Variants in TSPAN9 observed in about 807,000 individuals in gnomAD.
The protein encoded by TSPAN9 is tetraspanin 9, also known as tetraspanin-9.
In TSPAN9, 16 loss-of-function variants were observed where a neutral mutation model predicts 31.0. That is an observed-to-expected ratio of 0.52 (90% CI 0.35 to 0.78). The LOEUF is 0.78. TSPAN9 is among the 30% of genes least tolerant of loss of function. The pLI is 0.01. For missense variants in TSPAN9, 272 were observed against 312.5 expected (o/e 0.87, Z 0.98); for synonymous variants, 145 against 121.6 (o/e 1.19, Z -1.27).
chr12:3,271,705 C>T (rs879861979), intron 3 of TSPAN9, among the ~76,000 whole-genome samples: 3 of 152,182 alleles, frequency 2.0e-5, no homozygotes, highest in Non-Finnish European at 4.4e-5. Flanking sequence ...TTTGTCCCTT[C>T]ATTTCTCTCC....
At chr12:3,226,660 G>A (rs200608638) in intron 3 of TSPAN9, among the ~76,000 whole-genome samples, 47 of 148 alleles carry the variant, frequency 0.32, no homozygotes, top group East Asian at 0.5. Flanking sequence ...ATATGTGTGT[G>A]TGTGTGTGTG....
At chr12:3,116,183 C>T (rs949019439) in intron 2 of TSPAN9, among the ~76,000 whole-genome samples, 1 of 152,242 alleles carries the variant, frequency 6.6e-6, no homozygotes, top group Non-Finnish European at 1.5e-5. Flanking sequence ...CCTGCCAACT[C>T]TTTAACAGGT....
chr12:3,160,441 T>A (rs979000718), intron 2 of TSPAN9, among the ~76,000 whole-genome samples: 12 of 152,274 alleles, frequency 7.9e-5, no homozygotes, highest in Non-Finnish European at 1.5e-4. Flanking sequence ...ACATGTTATT[T>A]ATTTCAGGTA....
intron 2 of TSPAN9, among the ~76,000 whole-genome samples, chr12:3,143,000 C>T (rs1404105181): frequency 4.6e-5 from 7 of 152,062 alleles, no homozygotes; most frequent in Admixed American, 2.0e-4. Context: ...GAGTGCTGCT[C>T]GGTCACTCTG....
chr12:3,197,196 A>C (rs1053142078), intron 2 of TSPAN9, among the ~76,000 whole-genome samples: 6 of 152,252 alleles, frequency 3.9e-5, no homozygotes, highest in African/African-American at 1.4e-4. Context: ...AAAAGAGCTC[A>C]AAGTGAAAAA....
intron 2 of TSPAN9, among the ~76,000 whole-genome samples, chr12:3,084,933 C>A (rs1303252828): frequency 6.6e-6 from 1 of 152,238 alleles, no homozygotes; most frequent in Non-Finnish European, 1.5e-5. Flanking sequence ...AATGCCTGAG[C>A]TCCCATTTTA....
chr12:3,281,392 G>C (rs937071386), intron 7 of TSPAN9, 63 bp downstream of exon 7: 2 of 1,503,168 alleles, frequency 1.3e-6, no homozygotes, highest in Non-Finnish European at 1.8e-6. Flanking sequence ...GGCACGGGGA[G>C]CCCTATAGGG....
chr12:3,256,687 T>C (rs957130434), intron 3 of TSPAN9, among the ~76,000 whole-genome samples: 1 of 152,144 alleles, frequency 6.6e-6, no homozygotes, highest in African/African-American at 2.4e-5. Flanking sequence ...ATCTTGACTT[T>C]GGTAGCTGGG....
At chr12:3,161,800 T>A (rs898723183) in intron 2 of TSPAN9, among the ~76,000 whole-genome samples, 1 of 151,610 alleles carries the variant, frequency 6.6e-6, no homozygotes, top group South Asian at 2.1e-4. Flanking sequence ...TCTATCTATC[T>A]ATCTATCTAT....
At chr12:3,189,884 A>C (rs941664122) in intron 2 of TSPAN9, among the ~76,000 whole-genome samples, 49 of 152,202 alleles carry the variant, frequency 3.2e-4, no homozygotes, top group Middle Eastern at 3.4e-3. Flanking sequence ...CAAGTGACTT[A>C]ATGCACTGCG....
rs1565601335 is a variant in TSPAN9 at position 3,172,118 on chromosome 12, C to CA, written c.-17-29056dup. The CA allele has an allele frequency of 2.0e-5, 3 of 152,282 alleles. No homozygotes were observed. Among genetic ancestry groups the CA allele is most frequent in the African/African-American group, 7.2e-5 (3 of 41,446 alleles). 9.4% of individuals were successfully genotyped at this position (152,282 alleles called of 1,614,324 possible). A position where few individuals can be genotyped will look rare whatever the true frequency, so the allele number is the denominator to read the frequency against. Reference sequence around the variant, plus strand: ...TTGCTACAGGGCATCTCCAGCGGCACAAATCACAGGGAAAATATCTCCCAG... The same window carrying CA: ...TTGCTACAGGGCATCTCCAGCGGCACAAAATCACAGGGAAAATATCTCCCAG... On this transcript the variant is annotated intron_variant, in intron 2 of 8. Transcript: ENST00000011898. The surrounding 1 kb of genome is among the most constrained non-coding windows in gnomAD (Gnocchi z 4.8).
intron 3 of TSPAN9, among the ~76,000 whole-genome samples, chr12:3,257,312 A>C (rs990851573): frequency 1.9e-4 from 29 of 150,932 alleles, no homozygotes; most frequent in African/African-American, 7.1e-4. Context: ...TGGGGTTTCA[A>C]CCTGGTTTTC....
chr12:3,195,137 C>T (rs986246166), intron 2 of TSPAN9, among the ~76,000 whole-genome samples: 1 of 152,178 alleles, frequency 6.6e-6, no homozygotes, highest in African/African-American at 2.4e-5. Flanking sequence ...CACAGGGTGC[C>T]TCACAAGCTG....
rs180809648 is a variant in TSPAN9 at position 3,266,070 on chromosome 12, C to T, written c.64-12351C>T. On this transcript the variant is annotated intron_variant, in intron 3 of 8. Transcript: ENST00000011898. ...CTTCACCAACACTACTTCTTCATCC[C>T]GTCCTCCTCGGCTACAAGGAGCACT... 1.7e-4 allele frequency among the ~76,000 whole-genome samples: 26 copies of T among 152,270 alleles called. No individual in the cohort carries two copies. In the East Asian group the frequency reaches 2.1e-3, roughly 12 times the overall value.
At chr12:3,137,730 C>T (rs2098332760) in intron 2 of TSPAN9, among the ~76,000 whole-genome samples, 1 of 152,122 alleles carries the variant, frequency 6.6e-6, no homozygotes. Context: ...TTCCTCTTGG[C>T]CTCTCCTCTC....
At chr12:3,240,048 AT>A (rs1490553330) in intron 3 of TSPAN9, among the ~76,000 whole-genome samples, 3 of 149,250 alleles carry the variant, frequency 2.0e-5, no homozygotes, top group Non-Finnish European at 4.5e-5. Flanking sequence ...TTAGCTTTTT[AT>A]TGTGGAAAAT....
At chr12:3,271,063 T>A (rs571191685) in intron 3 of TSPAN9, among the ~76,000 whole-genome samples, 1 of 152,336 alleles carries the variant, frequency 6.6e-6, no homozygotes, top group South Asian at 2.1e-4. Context: ...AAAATGTAAC[T>A]GGGTTGTAGA....
chr12:3,212,004 C>T, intron 3 of TSPAN9: 2 of 752,738 alleles, frequency 2.7e-6, no homozygotes, highest in Admixed American at 2.6e-5. Flanking sequence ...TATAATCTTT[C>T]TCCGTCACCC....
At chr12:3,096,064 CG>C (rs2153963908) in intron 2 of TSPAN9, among the ~76,000 whole-genome samples, 1 of 152,042 alleles carries the variant, frequency 6.6e-6, no homozygotes, top group Admixed American at 6.5e-5. Flanking sequence ...CCCGGCGCGG[CG>C]GCAAAGACTG....
Sources: allele counts gnomAD v4.1 joint callset (sites outside exome capture counted in the v4.1 genomes callset), GRCh38; gene constraint gnomAD v4.1.1; non-coding constraint Gnocchi (gnomAD v3.1); transcripts MANE v1.5; gene names NCBI Gene and HGNC (gene_info 2026-07-23, HGNC 2026-07-21).